STAU2: variants seen among roughly 807,000 people sequenced by gnomAD.
STAU2 encodes staufen double-stranded RNA binding protein 2, also known as double-stranded RNA-binding protein Staufen homolog 2.
Under a neutral mutation model 65.9 loss-of-function variants are expected in STAU2, and 20 were observed. The ratio of observed to expected loss-of-function variants is 0.30; its 90% confidence interval spans 0.21 to 0.44. The LOEUF (loss-of-function observed/expected upper bound fraction) is 0.44, where lower values mean the gene tolerates loss of function less well. Ranked by LOEUF, STAU2 falls within the 20% of genes least tolerant of loss-of-function variation. The pLI, the probability that STAU2 is intolerant of heterozygous loss-of-function variation, is 1.00. For synonymous variants in STAU2, 232 were observed against 233.9 expected, an observed-to-expected ratio of 0.99 and a Z score of 0.07; for missense variants, 558 against 683.9, an observed-to-expected ratio of 0.82 and a Z score of 2.05.
intron 12 of STAU2, among the ~76,000 whole-genome samples, chr8:73,560,209 T>C (rs565961441): frequency 2.3e-4 from 35 of 151,114 alleles, no homozygotes; most frequent in Non-Finnish European, 1.6e-4. Context: ...GCCTCCCGAG[T>C]AGCTGGGACT....
chr8:73,502,750 T>C (rs564703217), intron 13 of STAU2, among the ~76,000 whole-genome samples: 1 of 152,024 alleles, frequency 6.6e-6, no homozygotes, highest in African/African-American at 2.4e-5. Flanking sequence ...CAGTTATGTG[T>C]TGTTGTTGTT....
At position 73,731,675 on chromosome 8, in the gene STAU2, C is replaced by T. The variant is rs183653811; in HGVS notation, c.-18+6609G>A. Among the ~76,000 whole-genome samples, 138 of 152,288 alleles carry T rather than the reference C, an allele frequency of 9.1e-4. 1 individual carries two copies. Among genetic ancestry groups the T allele is most frequent in the African/African-American group, 3.1e-3 (128 of 41,572 alleles). ...AGCATTGGCCAGGCACGGTGACTCA[C>T]GCCTGTAATTCCAGCACTTTGGGAG... On this transcript the variant is annotated intron_variant, in intron 3 of 14. Transcript: ENST00000524300.
intron 6 of STAU2, among the ~76,000 whole-genome samples, chr8:73,631,262 G>A (rs1003092633): frequency 3.3e-5 from 5 of 151,972 alleles, no homozygotes; most frequent in African/African-American, 1.2e-4. Flanking sequence ...GCGGAGGCAG[G>A]AGCATTGCTT....
intron 6 of STAU2, among the ~76,000 whole-genome samples, chr8:73,649,902 T>TAC (rs1815726730): frequency 2.2e-5 from 3 of 139,106 alleles, no homozygotes; most frequent in Non-Finnish European, 4.7e-5. Flanking sequence ...TATATATATA[T>TAC]ATATATGGTG....
intron 13 of STAU2, among the ~76,000 whole-genome samples, chr8:73,442,275 ACTT>A (rs1818207893): frequency 6.6e-6 from 1 of 150,964 alleles, no homozygotes; most frequent in Non-Finnish European, 1.5e-5. Flanking sequence ...AATGGTGTGA[ACTT>A]GGAAGGTGGA....
chr8:73,527,729 G>A, intron 13 of STAU2: 1 of 1,536,670 alleles, frequency 6.5e-7, no homozygotes, highest in Non-Finnish European at 8.7e-7. Context: ...CCAATAGCAT[G>A]GAAAGTCATC....
chr8:73,556,619 T>C (rs1219589437), intron 12 of STAU2, among the ~76,000 whole-genome samples: 2 of 152,030 alleles, frequency 1.3e-5, no homozygotes, highest in African/African-American at 4.8e-5. Context: ...TAGCTGGACG[T>C]AGTGGCAGGC....
intron 13 of STAU2, among the ~76,000 whole-genome samples, chr8:73,425,224 G>A (rs983473112): frequency 6.6e-6 from 1 of 152,166 alleles, no homozygotes; most frequent in African/African-American, 2.4e-5. Flanking sequence ...TAGTACAGAT[G>A]TAATTAGTTA....
At chr8:73,698,294 A>G (rs936445089) in intron 4 of STAU2, among the ~76,000 whole-genome samples, 2 of 152,188 alleles carry the variant, frequency 1.3e-5, no homozygotes, top group African/African-American at 4.8e-5. Flanking sequence ...AAATGGCAGG[A>G]GAAAGTTCCT....
intron 13 of STAU2, chr8:73,440,267 C>A (rs1356710355): frequency 6.6e-6 from 1 of 152,264 alleles, no homozygotes; most frequent in Non-Finnish European, 1.5e-5. Flanking sequence ...CTTAGAAATA[C>A]TGATAGCTCC....
intron 6 of STAU2, among the ~76,000 whole-genome samples, chr8:73,669,584 A>G (rs1041601518): frequency 6.6e-6 from 1 of 151,830 alleles, no homozygotes; most frequent in African/African-American, 2.4e-5. Flanking sequence ...CTTGAGGCCA[A>G]TGCCAGGCAC....
At chr8:73,438,908 AG>A in intron 13 of STAU2, 1 of 456,114 alleles carries the variant, frequency 2.2e-6, no homozygotes, top group South Asian at 1.6e-5. Context: ...TGCTGGTAAA[AG>A]CTGTCTTCCT....
chr8:73,703,149 T>C (rs1352228223), intron 4 of STAU2, among the ~76,000 whole-genome samples: 1 of 152,184 alleles, frequency 6.6e-6, no homozygotes, highest in Non-Finnish European at 1.5e-5. Flanking sequence ...ATCCCCAATG[T>C]TGGAGGTGGG....
intron 11 of STAU2, among the ~76,000 whole-genome samples, chr8:73,592,477 T>A (rs1171803103): frequency 6.6e-6 from 1 of 152,008 alleles, no homozygotes; most frequent in African/African-American, 2.4e-5. Flanking sequence ...CCTATCTATT[T>A]TTAAAATCTG....
chr8:73,654,683 C>CCT (rs1554556829), intron 6 of STAU2, among the ~76,000 whole-genome samples: 3 of 62,952 alleles, frequency 4.8e-5, no homozygotes, highest in Non-Finnish European at 8.1e-5. Context: ...ATTATCAAAC[C>CCT]TTTTTTTTTT....
intron 13 of STAU2, among the ~76,000 whole-genome samples, chr8:73,500,613 A>G (rs951655880): frequency 3.3e-5 from 5 of 151,974 alleles, no homozygotes; most frequent in African/African-American, 1.2e-4. Flanking sequence ...TGAAAATGTG[A>G]TTTCTGCTAG....
chr8:73,569,395 G>A (rs553079742), intron 12 of STAU2, among the ~76,000 whole-genome samples: 1 of 152,210 alleles, frequency 6.6e-6, no homozygotes, highest in Non-Finnish European at 1.5e-5. Context: ...GGGCATAGCT[G>A]AACAAAAGTC....
At chr8:73,461,749 G>A (rs925762284) in intron 13 of STAU2, among the ~76,000 whole-genome samples, 2 of 151,962 alleles carry the variant, frequency 1.3e-5, no homozygotes, top group Admixed American at 6.6e-5. Flanking sequence ...ACGCAACCGC[G>A]GGCTTTCACC....
intron 12 of STAU2, among the ~76,000 whole-genome samples, chr8:73,579,549 CAGT>C (rs1457964182): frequency 6.6e-6 from 1 of 152,120 alleles, no homozygotes; most frequent in African/African-American, 2.4e-5. Flanking sequence ...CGTGAGCTGT[CAGT>C]AGATCTTTAA....
Sources: gnomAD v4.1 joint callset for allele counts (sites outside exome capture counted in the v4.1 genomes callset) on GRCh38, gnomAD v4.1.1 for gene constraint, MANE v1.5 for transcripts, NCBI Gene and HGNC (gene_info 2026-07-23, HGNC 2026-07-21) for gene names.